The following LRRC49 variants were observed in gnomAD, a reference collection of about 807,000 sequenced individuals.
LRRC49 encodes the protein leucine rich repeat containing 49.
A neutral mutation model predicts 83.3 loss-of-function variants in LRRC49; 50 were observed. The observed-to-expected ratio is 0.60, with a 90% CI of 0.48 to 0.76. The LOEUF (loss-of-function observed/expected upper bound fraction) is 0.76, where lower values mean the gene tolerates loss of function less well. LRRC49 is among the 30% of genes least tolerant of loss of function. The probability of loss-of-function intolerance (pLI) is 0.00; values close to 1 mark genes in which losing one functional copy is unlikely to be tolerated. For missense variants in LRRC49, 704 were observed against 809.1 expected, an observed-to-expected ratio of 0.87 and a Z score of 1.58; for synonymous variants, 286 against 283.3, an observed-to-expected ratio of 1.01 and a Z score of -0.10.
chr15:70,914,270 C>T lies in LRRC49; in HGVS notation c.567+2672C>T, dbSNP rs568812613. On this transcript the variant is annotated intron_variant, in intron 6 of 15. Coordinates refer to ENST00000260382, the MANE Select transcript of LRRC49 (RefSeq NM_017691.5). ...TAGATGAAACAACTAATGTCCAATTCTAAAAATTTAGCATCTTATAGTAAA... is the reference window on the plus strand; with the variant it reads ...TAGATGAAACAACTAATGTCCAATTTTAAAAATTTAGCATCTTATAGTAAA... Among the ~76,000 whole-genome samples the T allele has an allele frequency of 3.3e-5, 5 of 152,136 alleles. No homozygotes were observed. In the East Asian group the frequency reaches 9.7e-4, roughly 29 times the overall value.
intron 12 of LRRC49, chr15:71,009,557 A>C (rs2038579981): frequency 3.0e-6 from 1 of 331,314 alleles, no homozygotes; most frequent in Non-Finnish European, 5.4e-6. Flanking sequence ...GTTGGTTTAT[A>C]AGTGAGACTG....
chr15:70,965,865 A>G (rs888926190), intron 9 of LRRC49, among the ~76,000 whole-genome samples: 1 of 152,034 alleles, frequency 6.6e-6, no homozygotes, highest in Non-Finnish European at 1.5e-5. Flanking sequence ...TCTTTTATTT[A>G]TAACTTTTTA....
At chr15:71,002,726 G>A (rs925569521) in intron 11 of LRRC49, among the ~76,000 whole-genome samples, 10 of 151,866 alleles carry the variant, frequency 6.6e-5, no homozygotes, top group African/African-American at 9.7e-5. Context: ...AGAATCTTCC[G>A]AAATATTTTA....
intron 9 of LRRC49, among the ~76,000 whole-genome samples, chr15:70,973,527 T>A (rs535002744): frequency 6.6e-6 from 1 of 152,316 alleles, no homozygotes; most frequent in East Asian, 1.9e-4. Context: ...GGAGATCCGC[T>A]GCTCTCTTCA....
chr15:70,854,257 G>A (rs1468040964), intron 1 of LRRC49: 2 of 272,692 alleles, frequency 7.3e-6, no homozygotes, highest in Admixed American at 6.4e-5. Flanking sequence ...CGCCGCCGCC[G>A]CCGCCGCCAC....
chr15:71,001,797 T>C (rs2038265670), intron 11 of LRRC49, among the ~76,000 whole-genome samples: 1 of 152,112 alleles, frequency 6.6e-6, no homozygotes, highest in Admixed American at 6.5e-5. Context: ...GTTCACACCA[T>C]TCTCCTGCCT....
At chr15:70,957,608 G>A (rs956602494) in intron 8 of LRRC49, among the ~76,000 whole-genome samples, 1 of 151,998 alleles carries the variant, frequency 6.6e-6, no homozygotes, top group Non-Finnish European at 1.5e-5. Context: ...TTGGGGCAGT[G>A]GTCACAGTAT....
intron 11 of LRRC49, among the ~76,000 whole-genome samples, chr15:70,992,242 G>T (rs1217350270): frequency 6.6e-6 from 1 of 152,178 alleles, no homozygotes; most frequent in Non-Finnish European, 1.5e-5. Flanking sequence ...TAGCTTGTTT[G>T]CAATGGGTTC....
chr15:70,976,350 C>T (rs1448604522), intron 9 of LRRC49, among the ~76,000 whole-genome samples: 1 of 152,144 alleles, frequency 6.6e-6, no homozygotes, highest in Admixed American at 6.5e-5. Context: ...AGGGAAAAAA[C>T]CCTGTGATTT....
intron 8 of LRRC49, among the ~76,000 whole-genome samples, chr15:70,955,068 G>A (rs2036352640): frequency 6.6e-6 from 1 of 152,010 alleles, no homozygotes; most frequent in Non-Finnish European, 1.5e-5. Flanking sequence ...TCTGCAGGGG[G>A]AAACCATGGG....
intron 3 of LRRC49, 106 bp from the exon 4 acceptor site, chr15:70,900,816 T>C: frequency 2.9e-6 from 2 of 682,030 alleles, no homozygotes; most frequent in African/African-American, 1.8e-5. Flanking sequence ...CTATACTTTC[T>C]AGATAAGATA....
chr15:71,034,563 A>G (rs1438442474), intron 14 of LRRC49, among the ~76,000 whole-genome samples: 2 of 152,250 alleles, frequency 1.3e-5, no homozygotes, highest in Non-Finnish European at 2.9e-5. Flanking sequence ...AAATCATTCT[A>G]TTATAACATG....
chr15:70,914,706 T>C (rs923569350), intron 6 of LRRC49, among the ~76,000 whole-genome samples: 1 of 152,232 alleles, frequency 6.6e-6, no homozygotes, highest in African/African-American at 2.4e-5. Context: ...TGGTTAACCA[T>C]AATTTTTTCT....
At chr15:70,940,806 C>T (rs1310845606) in intron 8 of LRRC49, among the ~76,000 whole-genome samples, 1 of 152,156 alleles carries the variant, frequency 6.6e-6, no homozygotes, top group East Asian at 1.9e-4. Flanking sequence ...TTCTGACCAT[C>T]TGCTAAGTTT....
chr15:70,986,642 AT>A (rs199970952), intron 11 of LRRC49, among the ~76,000 whole-genome samples: 65,859 of 151,262 alleles, frequency 0.44, 14,776 homozygotes, highest in East Asian at 0.64. Context: ...CTCCTGCCTA[AT>A]TGCCCTGGCC....
intron 1 of LRRC49, among the ~76,000 whole-genome samples, chr15:70,855,177 A>G (rs1173752856): frequency 6.6e-6 from 1 of 152,056 alleles, no homozygotes; most frequent in Non-Finnish European, 1.5e-5. Context: ...ACTAAAAAAA[A>G]TACAAAAATT....
intron 15 of LRRC49, among the ~76,000 whole-genome samples, chr15:71,040,609 G>A (rs930441242): frequency 2.6e-5 from 4 of 151,970 alleles, no homozygotes; most frequent in Admixed American, 1.3e-4. Context: ...CATGAGGTTA[G>A]GAGATCGAGA....
At chr15:70,889,799 T>G (rs1453338101), upstream of LRRC49, among the ~76,000 whole-genome samples, 4 of 152,140 alleles carry the variant, frequency 2.6e-5, no homozygotes, top group Non-Finnish European at 5.9e-5. Flanking sequence ...AATCTGATTT[T>G]TAGACAGTTA....
intron 11 of LRRC49, among the ~76,000 whole-genome samples, chr15:70,989,631 C>T (rs948685981): frequency 6.6e-6 from 1 of 152,196 alleles, no homozygotes; most frequent in Non-Finnish European, 1.5e-5. Context: ...TCTTTCAACT[C>T]GTCAAAGTCA....
Sources: allele counts gnomAD v4.1 joint callset (sites outside exome capture counted in the v4.1 genomes callset), GRCh38; gene constraint gnomAD v4.1.1; transcripts MANE v1.5; gene names NCBI Gene and HGNC (gene_info 2026-07-23, HGNC 2026-07-21).